The following NCKAP5 variants were observed in gnomAD, a reference collection of about 807,000 sequenced individuals.
The protein encoded by NCKAP5 is NCK associated protein 5.
A neutral mutation model predicts 167.0 loss-of-function variants in NCKAP5; 92 were observed. The observed-to-expected ratio is 0.55, with a 90% CI of 0.47 to 0.66. The LOEUF (loss-of-function observed/expected upper bound fraction) is 0.66, where lower values mean the gene tolerates loss of function less well. Ranked by LOEUF, NCKAP5 falls within the 30% of genes least tolerant of loss-of-function variation. The pLI, the probability that NCKAP5 is intolerant of heterozygous loss-of-function variation, is 0.00. For synonymous variants in NCKAP5, 891 were observed against 877.4 expected (o/e 1.02, Z -0.27); for missense variants, 2,378 against 2,315.0 (o/e 1.03, Z -0.56).
At chr2:133,113,831 G>A (rs1388159902) in intron 6 of NCKAP5, among the ~76,000 whole-genome samples, 1 of 152,184 alleles carries the variant, frequency 6.6e-6, no homozygotes, top group African/African-American at 2.4e-5. Flanking sequence ...TGGGAACATG[G>A]AGCTGGGGGT....
intron 11 of NCKAP5, among the ~76,000 whole-genome samples, chr2:132,835,498 C>A: frequency 6.6e-6 from 1 of 151,854 alleles, no homozygotes; most frequent in Middle Eastern, 3.4e-3. Flanking sequence ...ATAAAGCTTT[C>A]GCCATTTGTA....
intron 8 of NCKAP5, among the ~76,000 whole-genome samples, chr2:132,940,286 C>G (rs1697195943): frequency 6.6e-6 from 1 of 152,150 alleles, no homozygotes; most frequent in South Asian, 2.1e-4. Flanking sequence ...CACAGGATTA[C>G]TTAAGAGCTC....
At chr2:133,470,746 A>T (rs529071245) in intron 3 of NCKAP5, among the ~76,000 whole-genome samples, 4 of 152,334 alleles carry the variant, frequency 2.6e-5, no homozygotes, top group African/African-American at 9.6e-5. Context: ...GGAAAAGTAC[A>T]GTATTCAGGT....
intron 5 of NCKAP5, among the ~76,000 whole-genome samples, chr2:133,171,561 C>T (rs1416222565): frequency 1.3e-5 from 2 of 152,166 alleles, no homozygotes; most frequent in African/African-American, 4.8e-5. Flanking sequence ...AAGAACTCAA[C>T]TAGGATTATG....
chr2:132,989,280 A>T (rs1056828881), intron 7 of NCKAP5, among the ~76,000 whole-genome samples: 7 of 152,210 alleles, frequency 4.6e-5, no homozygotes, highest in Non-Finnish European at 1.0e-4. Flanking sequence ...TTTATGCTTA[A>T]TTGCCCCCTT....
At chr2:133,572,394 C>A (rs144824522), upstream of NCKAP5, among the ~76,000 whole-genome samples, 5 of 152,310 alleles carry the variant, frequency 3.3e-5, no homozygotes, top group East Asian at 7.7e-4. Flanking sequence ...CTGCTTAGCT[C>A]TTCCAAGAGA....
chr2:133,238,859 T>G (rs978184191), intron 4 of NCKAP5, among the ~76,000 whole-genome samples: 1 of 152,210 alleles, frequency 6.6e-6, no homozygotes, highest in Admixed American at 6.5e-5. Context: ...GGTCCTGGTT[T>G]TCTCATTACA....
intron 11 of NCKAP5, among the ~76,000 whole-genome samples, chr2:132,807,120 C>A (rs1248620621): frequency 6.6e-6 from 1 of 151,980 alleles, no homozygotes. Context: ...GGTCTATGTG[C>A]CTATTTTTAT....
intron 3 of NCKAP5, among the ~76,000 whole-genome samples, chr2:133,435,248 T>C (rs1011556293): frequency 1.3e-5 from 2 of 152,200 alleles, no homozygotes; most frequent in Non-Finnish European, 2.9e-5. Context: ...TTAGGCCTAC[T>C]TAATCTCCAG....
At chr2:133,593,733 A>G in the NCKAP5 span, among the ~76,000 whole-genome samples, 1 of 152,254 alleles carries the variant, frequency 6.6e-6, no homozygotes, top group African/African-American at 2.4e-5. Context: ...TGCAATGCAT[A>G]AGAATCACAT....
intron 5 of NCKAP5, among the ~76,000 whole-genome samples, chr2:133,184,485 T>C (rs1355143023): frequency 6.6e-6 from 1 of 152,216 alleles, no homozygotes; most frequent in Non-Finnish European, 1.5e-5. Flanking sequence ...GTATACCCAG[T>C]AATCGGATTG....
At chr2:133,421,398 A>G (rs979849421) in intron 3 of NCKAP5, among the ~76,000 whole-genome samples, 2 of 152,210 alleles carry the variant, frequency 1.3e-5, no homozygotes, top group Non-Finnish European at 2.9e-5. Context: ...TCCTCACCTG[A>G]GCATTCAAAA....
chr2:133,660,516 A>G, the NCKAP5 span, among the ~76,000 whole-genome samples: 1,077 of 152,256 alleles, frequency 7.1e-3, 5 homozygotes, highest in Non-Finnish European at 0.012. Flanking sequence ...ACCCTCTTTT[A>G]TATACTTTGT....
rs565770883 is a variant in NCKAP5 at position 133,482,210 on chromosome 2, C to CT, written c.69+35247dup. On this transcript the variant is annotated intron_variant, in intron 3 of 19. Coordinates refer to ENST00000409261, the MANE Select transcript of NCKAP5 (RefSeq NM_207363.3). ...CATTGTGTATATATATAAAATTTTC[C>CT]TTTTTTTTTCTTTTTCTTTTTCTTT... 6.0e-5 allele frequency among the ~76,000 whole-genome samples: 9 copies of CT among 150,048 alleles called. No individual in the cohort carries two copies. In the East Asian group the frequency reaches 9.8e-4, roughly 16 times the overall value.
At chr2:132,816,398 C>T (rs1686273958) in intron 11 of NCKAP5, among the ~76,000 whole-genome samples, 1 of 152,094 alleles carries the variant, frequency 6.6e-6, no homozygotes, top group African/African-American at 2.4e-5. Context: ...TGCTGAGTCA[C>T]AGTTGCTTTA....
At chr2:132,951,756 G>C (rs1312677617) in intron 8 of NCKAP5, among the ~76,000 whole-genome samples, 1 of 152,088 alleles carries the variant, frequency 6.6e-6, no homozygotes, top group African/African-American at 2.4e-5. Flanking sequence ...TTCCCCCAAG[G>C]CTATGTAACA....
intron 19 of NCKAP5, among the ~76,000 whole-genome samples, chr2:132,717,215 T>TC (rs1297807522): frequency 6.6e-6 from 1 of 152,158 alleles, no homozygotes; most frequent in Non-Finnish European, 1.5e-5. Context: ...TCCATCCACT[T>TC]CGAGCTGGGA....
intron 19 of NCKAP5, among the ~76,000 whole-genome samples, chr2:132,712,401 C>T (rs1028550529): frequency 6.6e-6 from 1 of 152,088 alleles, no homozygotes; most frequent in Non-Finnish European, 1.5e-5. Context: ...CCTGTAATCC[C>T]AGCACTTTGG....
At chr2:133,533,077 T>C (rs1369511524) in intron 2 of NCKAP5, among the ~76,000 whole-genome samples, 6 of 152,198 alleles carry the variant, frequency 3.9e-5, no homozygotes, top group Admixed American at 3.9e-4. Context: ...GGCACACTCA[T>C]TTAAAGAAGT....
Sources: allele counts gnomAD v4.1 joint callset (sites outside exome capture counted in the v4.1 genomes callset), GRCh38; gene constraint gnomAD v4.1.1; transcripts MANE v1.5; gene names NCBI Gene and HGNC (gene_info 2026-07-23, HGNC 2026-07-21).